CPNE4: variants seen among roughly 807,000 people sequenced by gnomAD.
The protein encoded by CPNE4 is copine-4.
Under a neutral mutation model 67.9 loss-of-function variants are expected in CPNE4, and 25 were observed. The ratio of observed to expected loss-of-function variants is 0.37; its 90% confidence interval spans 0.27 to 0.51. The LOEUF (loss-of-function observed/expected upper bound fraction) is 0.51, where lower values mean the gene tolerates loss of function less well. Ranked by LOEUF, CPNE4 falls within the 20% of genes least tolerant of loss-of-function variation. CPNE4 has a pLI of 0.93. For synonymous variants in CPNE4, 242 were observed against 244.9 expected (o/e 0.99, Z 0.11); for missense variants, 464 against 690.8 (o/e 0.67, Z 3.68).
intron 2 of CPNE4, among the ~76,000 whole-genome samples, chr3:131,798,778 G>A (rs1397606363): frequency 6.6e-6 from 1 of 151,942 alleles, no homozygotes; most frequent in Non-Finnish European, 1.5e-5. Context: ...GCTGAATTAG[G>A]ACACCTCAAT....
intron 2 of CPNE4, among the ~76,000 whole-genome samples, chr3:131,763,682 T>C (rs922459527): frequency 6.6e-6 from 1 of 152,092 alleles, no homozygotes; most frequent in Non-Finnish European, 1.5e-5. Context: ...GTTGCTAACA[T>C]CAAGGAATAA....
intron 8 of CPNE4, among the ~76,000 whole-genome samples, chr3:131,582,917 C>T (rs939375235): frequency 2.0e-5 from 3 of 152,114 alleles, no homozygotes; most frequent in East Asian, 3.9e-4. Flanking sequence ...GCCAACCTAG[C>T]GAATGTTGAG....
chr3:132,015,548 T>C (rs1370430578), intron 1 of CPNE4, among the ~76,000 whole-genome samples: 1 of 152,094 alleles, frequency 6.6e-6, no homozygotes, highest in Non-Finnish European at 1.5e-5. Flanking sequence ...ATATATCATA[T>C]ACGATATGAT....
chr3:131,872,193 TGTAGAG>T (rs1156697140), intron 2 of CPNE4, among the ~76,000 whole-genome samples: 15 of 151,732 alleles, frequency 9.9e-5, no homozygotes, highest in Non-Finnish European at 2.9e-5. Context: ...TGTGTGTGTG[TGTAGAG>T]AGAGAGAGAG....
intron 1 of CPNE4, among the ~76,000 whole-genome samples, chr3:131,972,610 C>T (rs769767143): frequency 6.6e-6 from 1 of 152,108 alleles, no homozygotes; most frequent in Non-Finnish European, 1.5e-5. Flanking sequence ...GCTAAAAAAC[C>T]CATTCCTACA....
chr3:131,952,207 GC>G (rs1414267329), intron 1 of CPNE4, among the ~76,000 whole-genome samples: 5 of 145,122 alleles, frequency 3.4e-5, no homozygotes, highest in African/African-American at 1.3e-4. Flanking sequence ...GAGCGCCTCT[GC>G]CCCGCCGCCC....
At chr3:131,622,713 T>C (rs1329007240) in intron 7 of CPNE4, among the ~76,000 whole-genome samples, 2 of 152,062 alleles carry the variant, frequency 1.3e-5, no homozygotes, top group East Asian at 3.8e-4. Flanking sequence ...TCCTATAATA[T>C]AGGGAAGGGG....
rs1553765172 is a variant in CPNE4, at chr3:131,751,779, T to TTG, written c.181-28155_181-28154insCA. ...CTGTTTAGCTGTTTTTTTTTTGTTT[T>TTG]TTTGTTTGTTTGTTTGTTTTTTCGA... On this transcript the variant is annotated intron_variant, in intron 2 of 15. Transcript: ENST00000429747. Among the ~76,000 whole-genome samples, 321 of 150,480 alleles carry TTG rather than the reference T, an allele frequency of 2.1e-3. 1 individual carries two copies. Among genetic ancestry groups the TTG allele is most frequent in the East Asian group, 0.018 (93 of 5,108 alleles).
chr3:131,882,875 C>T (rs998810024), intron 2 of CPNE4, among the ~76,000 whole-genome samples: 45 of 152,014 alleles, frequency 3.0e-4, no homozygotes, highest in African/African-American at 1.0e-3. Context: ...CGCCACCACA[C>T]CTGGCTAATT....
At chr3:131,626,735 C>A (rs529986937) in intron 7 of CPNE4, among the ~76,000 whole-genome samples, 1 of 152,136 alleles carries the variant, frequency 6.6e-6, no homozygotes, top group Non-Finnish European at 1.5e-5. Flanking sequence ...TCAATATAGA[C>A]AAAACAGTCT....
At chr3:132,007,948 G>A (rs1178961838) in intron 1 of CPNE4, among the ~76,000 whole-genome samples, 2 of 152,112 alleles carry the variant, frequency 1.3e-5, no homozygotes, top group African/African-American at 4.8e-5. Flanking sequence ...AATTTGAATG[G>A]CACATTTCTT....
chr3:131,554,000 G>T (rs965577586), intron 12 of CPNE4, among the ~76,000 whole-genome samples: 3 of 152,076 alleles, frequency 2.0e-5, no homozygotes, highest in African/African-American at 7.2e-5. Flanking sequence ...TCAGAAAACA[G>T]CAAGAAAGAT....
At chr3:131,596,245 C>T (rs974948938) in intron 7 of CPNE4, among the ~76,000 whole-genome samples, 1 of 152,100 alleles carries the variant, frequency 6.6e-6, no homozygotes, top group Non-Finnish European at 1.5e-5. Context: ...CAGGTGTCTG[C>T]GTATGTCAAA....
Position 132,011,763 on chromosome 3 carries a change from G to A in CPNE4, c.-2+22804C>T, listed in dbSNP as rs528775312. On this transcript the variant is annotated intron_variant, in intron 1 of 15. Coordinates refer to ENST00000429747, the MANE Select transcript of CPNE4 (RefSeq NM_130808.3). ...ATATTATGAAGGACAATTTCAATTG[G>A]GATTAGAAGAAACATATACCACAGC... Among the ~76,000 whole-genome samples, 25 of 152,234 alleles carry A rather than the reference G, an allele frequency of 1.6e-4. 1 individual carries two copies. The South Asian group carries it at 5.2e-3, about 32-fold the overall frequency.
intron 2 of CPNE4, among the ~76,000 whole-genome samples, chr3:131,864,831 T>C (rs1313588094): frequency 6.6e-6 from 1 of 152,112 alleles, no homozygotes; most frequent in Non-Finnish European, 1.5e-5. Context: ...CAGTAGGATA[T>C]TGGCTGTGGG....
At chr3:131,911,211 C>T (rs558797524) in intron 1 of CPNE4, among the ~76,000 whole-genome samples, 17 of 152,218 alleles carry the variant, frequency 1.1e-4, no homozygotes, top group Admixed American at 9.2e-4. Context: ...AGGCAAGGAA[C>T]TGAGGGTAAC....
intron 1 of CPNE4, among the ~76,000 whole-genome samples, chr3:132,014,590 A>G (rs2073850014): frequency 1.3e-5 from 2 of 152,298 alleles, no homozygotes; most frequent in East Asian, 1.9e-4. Flanking sequence ...TTTAAATTCT[A>G]TACACTATTT....
intron 2 of CPNE4, among the ~76,000 whole-genome samples, chr3:131,782,045 A>G (rs1257609265): frequency 6.6e-6 from 1 of 152,102 alleles, no homozygotes; most frequent in Non-Finnish European, 1.5e-5. Context: ...TTAATAAGAA[A>G]GTGCTTTGGA....
At chr3:131,541,876 G>A (rs148034148) in intron 15 of CPNE4, among the ~76,000 whole-genome samples, 4,847 of 152,036 alleles carry the variant, frequency 0.032, 260 homozygotes, top group African/African-American at 0.11. Context: ...TTACCATGTT[G>A]GTCAGGCTGG....
Sources: allele counts gnomAD v4.1 joint callset (sites outside exome capture counted in the v4.1 genomes callset), GRCh38; gene constraint gnomAD v4.1.1; transcripts MANE v1.5; gene names NCBI Gene and HGNC (gene_info 2026-07-23, HGNC 2026-07-21).